Variants in ECHDC2 observed in about 807,000 individuals in gnomAD.
ECHDC2 encodes the protein enoyl-CoA hydratase domain containing 2.
A neutral mutation model predicts 40.6 loss-of-function variants in ECHDC2; 34 were observed. The observed-to-expected ratio is 0.84, with a 90% CI of 0.64 to 1.11. The LOEUF is 1.11. ECHDC2 is among the 50% of genes most tolerant of loss of function. The pLI, the probability that ECHDC2 is intolerant of heterozygous loss-of-function variation, is 0.00. For missense variants in ECHDC2, 392 were observed against 400.7 expected (o/e 0.98, Z 0.19); for synonymous variants, 162 against 166.6 (o/e 0.97, Z 0.21).
intron 1 of ECHDC2, chr1:52,912,033 A>T: frequency 2.8e-6 from 4 of 1,408,338 alleles, no homozygotes; most frequent in Non-Finnish European, 3.7e-6. Context: ...TGTGAAGCAA[A>T]ATGGGGAGAG....
chr1:52,896,341 T>C lies in ECHDC2; in HGVS notation c.*179A>G, dbSNP rs1464834148. Reference sequence around the variant, plus strand: ...TGAAGCTAAGGAAGGTAGCAGTAGGTGGTAGGATCAGCACCTTGGTTCCAG... The same window carrying C: ...TGAAGCTAAGGAAGGTAGCAGTAGGCGGTAGGATCAGCACCTTGGTTCCAG... On this transcript the variant is annotated 3_prime_UTR_variant, in exon 10 of 10. Coordinates refer to ENST00000371522, the MANE Select transcript of ECHDC2 (RefSeq NM_001198961.2). 31 of 609,378 alleles carry C rather than the reference T, an allele frequency of 5.1e-5. No homozygotes were observed. Among genetic ancestry groups the C allele is most frequent in the Non-Finnish European group, 5.9e-6 (2 of 336,962 alleles). 37.7% of individuals were successfully genotyped at this position (609,378 alleles called of 1,614,324 possible).
At chr1:52,898,096 A>G (rs532625575) in intron 8 of ECHDC2, 1 of 163,750 alleles carries the variant, frequency 6.1e-6, no homozygotes, top group Non-Finnish European at 1.4e-5. Context: ...TCCTTCCCAC[A>G]GTCCAACTGT....
At chr1:52,910,351 C>CTTTTT (rs1649085006) in intron 3 of ECHDC2, among the ~76,000 whole-genome samples, 1 of 36,788 alleles carries the variant, frequency 2.7e-5, no homozygotes, top group African/African-American at 1.1e-4. Context: ...ACCACAATTT[C>CTTTTT]GTTTTTTTTT....
At chr1:52,903,429 TG>T (rs1431838303) in intron 7 of ECHDC2, among the ~76,000 whole-genome samples, 1 of 151,902 alleles carries the variant, frequency 6.6e-6, no homozygotes, top group South Asian at 2.1e-4. Context: ...GTTTTTTGGT[TG>T]TTTTTTTTGG....
At chr1:52,916,179 G>A (rs1313681522) in intron 1 of ECHDC2, among the ~76,000 whole-genome samples, 1 of 152,214 alleles carries the variant, frequency 6.6e-6, no homozygotes, top group Non-Finnish European at 1.5e-5. Context: ...ACTAAAAAAT[G>A]ATAAATGTGT....
chr1:52,917,382 C>CA (rs1019223283), intron 1 of ECHDC2, among the ~76,000 whole-genome samples: 11 of 152,154 alleles, frequency 7.2e-5, no homozygotes, highest in Admixed American at 1.3e-4. Flanking sequence ...AAAGAGCTAA[C>CA]AGCCTAGAAG....
In ECHDC2 at chr1:52,906,504, G is replaced by C; in HGVS notation, c.457+15C>G. On this transcript the variant is annotated intron_variant, in intron 5 of 9. Coordinates refer to ENST00000371522, the MANE Select transcript of ECHDC2 (RefSeq NM_001198961.2). ...TCCCTAGCCCCACCCCCTGCCCCCA[G>C]TCCTGGCCCAGTACCTGCCACTCGG... The C allele has an allele frequency of 6.2e-7, 1 of 1,601,632 alleles. No homozygotes were observed. The highest frequency in any genetic ancestry group is 8.5e-7 in the Non-Finnish European group (1 of 1,173,790).
chr1:52,908,970 A>ATAGACATT (rs1648701456), intron 3 of ECHDC2, among the ~76,000 whole-genome samples: 1 of 151,836 alleles, frequency 6.6e-6, no homozygotes, highest in Non-Finnish European at 1.5e-5. Flanking sequence ...AAGGACTTGA[A>ATAGACATT]TAGACATTTC....
chr1:52,911,961 A>G, intron 1 of ECHDC2, 171 bp from the exon 2 acceptor site: 1 of 1,437,096 alleles, frequency 7.0e-7, no homozygotes, highest in Non-Finnish European at 9.1e-7. Context: ...TCCCAACCAT[A>G]AAATGGAGAG....
At chr1:52,910,418 G>C (rs181745915) in intron 3 of ECHDC2, among the ~76,000 whole-genome samples, 1 of 129,154 alleles carries the variant, frequency 7.7e-6, no homozygotes, top group African/African-American at 3.0e-5. Flanking sequence ...ACCCAGGCTG[G>C]AGTGCAGTGG....
At chr1:52,913,745 C>T (rs981837703) in intron 1 of ECHDC2, 3 of 172,904 alleles carry the variant, frequency 1.7e-5, no homozygotes, top group Non-Finnish European at 3.6e-5. Flanking sequence ...TTGCAACTGA[C>T]GAACCTACAC....
In ECHDC2 at chr1:52,904,626, G is replaced by A; in HGVS notation, c.702+20C>T. 6.4e-7 allele frequency: 1 copy of A among 1,554,710 alleles called. No homozygotes were observed. Among genetic ancestry groups the A allele is most frequent in the Non-Finnish European group, 8.7e-7 (1 of 1,149,784 alleles). ...CCCCATGACTCCAGCCCTCCTTCTG[G>A]TGCCGAGCTGTCACCACACCTGGGG... On this transcript the variant is annotated intron_variant, in intron 7 of 9. Coordinates refer to ENST00000371522, the MANE Select transcript of ECHDC2 (RefSeq NM_001198961.2).
In ECHDC2 at chr1:52,897,213, T is replaced by A. The variant is rs1315535638; in HGVS notation, c.801+224A>T. 3 of 577,446 alleles carry A rather than the reference T, an allele frequency of 5.2e-6. No individual in the cohort carries two copies. In the Admixed American group the frequency reaches 8.8e-5, roughly 17 times the overall value. The allele number at this position is 577,446 out of a possible 1,614,324, so 35.8% of individuals were successfully genotyped here. On this transcript the variant is annotated intron_variant, in intron 9 of 9. Transcript: ENST00000371522. Reference sequence around the variant, plus strand: ...GTGTTCTGTGATTCTCGGCATTAAGTGGGCAGGATGAACCCCAGTACATTA... The same window carrying A: ...GTGTTCTGTGATTCTCGGCATTAAGAGGGCAGGATGAACCCCAGTACATTA...
chr1:52,904,533 G>C lies in ECHDC2; in HGVS notation c.702+113C>G, dbSNP rs993847969. 3.1e-6 allele frequency: 3 copies of C among 956,290 alleles called. No individual in the cohort carries two copies. The African/African-American group carries it at 5.0e-5, about 16-fold the overall frequency. 59.2% of individuals were successfully genotyped at this position (956,290 alleles called of 1,614,324 possible). On this transcript the variant is annotated intron_variant, in intron 7 of 9. Coordinates refer to ENST00000371522, the MANE Select transcript of ECHDC2 (RefSeq NM_001198961.2). ...GGATGGTTAAACAAACTCCAAAGAG[G>C]GTTAATCATATGTCTCTGGGAGAAT...
chr1:52,897,241 T>C (rs982386191), intron 9 of ECHDC2, 196 bp downstream of exon 9: 384 of 622,340 alleles, frequency 6.2e-4, no homozygotes, highest in Non-Finnish European at 1.1e-4. Flanking sequence ...GTACATTAGA[T>C]GGTTGAGGGA....
chr1:52,918,589 T>G (rs2150073439), intron 1 of ECHDC2, among the ~76,000 whole-genome samples: 1 of 152,286 alleles, frequency 6.6e-6, no homozygotes, highest in South Asian at 2.1e-4. Flanking sequence ...GAATTAAAAT[T>G]TTTAAAAGCT....
intron 7 of ECHDC2, 109 bp downstream of exon 7, chr1:52,904,537 A>G (rs754188208): frequency 1.2e-4 from 115 of 988,822 alleles, no homozygotes; most frequent in Non-Finnish European, 1.6e-4. Context: ...AAAGAGGGTT[A>G]ATCATATGTC....
At chr1:52,910,756 A>G (rs1182374656) in intron 3 of ECHDC2, among the ~76,000 whole-genome samples, 1 of 152,224 alleles carries the variant, frequency 6.6e-6, no homozygotes, top group Non-Finnish European at 1.5e-5. Flanking sequence ...GAAGGCTGAG[A>G]GGTCAAAGGT....
intron 3 of ECHDC2, among the ~76,000 whole-genome samples, chr1:52,909,947 G>A (rs529424648): frequency 6.6e-6 from 1 of 152,222 alleles, no homozygotes; most frequent in South Asian, 2.1e-4. Context: ...ACAAAATGTG[G>A]TATATATACA....
Sources: gnomAD v4.1 joint callset for allele counts (sites outside exome capture counted in the v4.1 genomes callset) on GRCh38, gnomAD v4.1.1 for gene constraint, MANE v1.5 for transcripts, NCBI Gene and HGNC (gene_info 2026-07-23, HGNC 2026-07-21) for gene names.